Variants in MTFR1 observed in about 807,000 individuals in gnomAD.
MTFR1 encodes the protein mitochondrial fission regulator 1, also known as chondrocyte protein with a poly-proline region.
Under a neutral mutation model 38.8 loss-of-function variants are expected in MTFR1, and 28 were observed. That is an observed-to-expected ratio of 0.72 (90% CI 0.53 to 0.99). The LOEUF (loss-of-function observed/expected upper bound fraction) is 0.99, where lower values mean the gene tolerates loss of function less well. Among genes scored for constraint, MTFR1 ranks in the 50% least tolerant of loss-of-function variants. The pLI is 0.00. For missense variants in MTFR1, 358 were observed against 395.5 expected, an observed-to-expected ratio of 0.91 and a Z score of 0.81; for synonymous variants, 145 against 137.0, an observed-to-expected ratio of 1.06 and a Z score of -0.41.
chr8:65,737,659 C>T (rs1001327407), intron 3 of MTFR1, among the ~76,000 whole-genome samples: 1 of 152,162 alleles, frequency 6.6e-6, no homozygotes, highest in African/African-American at 2.4e-5. Flanking sequence ...GGTAGGATTA[C>T]AGGCACATGC....
chr8:65,734,280 G>A (rs969254439), intron 3 of MTFR1, among the ~76,000 whole-genome samples: 1 of 152,084 alleles, frequency 6.6e-6, no homozygotes, highest in Non-Finnish European at 1.5e-5. Context: ...ACCACATCCT[G>A]TTCATTCTAA....
At chr8:65,695,354 T>TG (rs947884699) in intron 4 of MTFR1, among the ~76,000 whole-genome samples, 36 of 152,134 alleles carry the variant, frequency 2.4e-4, no homozygotes, top group Middle Eastern at 3.4e-3. Context: ...ACAATTTTTT[T>TG]TTTTGTTTTG....
intron 3 of MTFR1, among the ~76,000 whole-genome samples, chr8:65,730,819 A>C (rs1055844874): frequency 6.6e-6 from 1 of 152,172 alleles, no homozygotes; most frequent in East Asian, 1.9e-4. Context: ...GCTACTTGGG[A>C]GGCTGAGACA....
At chr8:65,768,137 A>G (rs560723944) in intron 3 of MTFR1, among the ~76,000 whole-genome samples, 14 of 152,330 alleles carry the variant, frequency 9.2e-5, no homozygotes, top group Admixed American at 8.5e-4. Context: ...TTCTGTGTTG[A>G]TGACTGCCAT....
At chr8:65,697,330 A>G (rs945048766) in intron 4 of MTFR1, among the ~76,000 whole-genome samples, 12 of 152,146 alleles carry the variant, frequency 7.9e-5, no homozygotes, top group Admixed American at 2.0e-4. Flanking sequence ...GCACCTAAGA[A>G]TGGCCACGGG....
chr8:65,739,458 A>G (rs1411231076), intron 3 of MTFR1: 2 of 1,508,516 alleles, frequency 1.3e-6, no homozygotes, highest in South Asian at 1.4e-5. Context: ...AGGTTCTTGT[A>G]TAAATGTAAA....
chr8:65,681,267 G>GC (rs1804879293), intron 2 of MTFR1, among the ~76,000 whole-genome samples: 1 of 151,944 alleles, frequency 6.6e-6, no homozygotes, highest in Admixed American at 6.6e-5. Context: ...TTACAGGTGT[G>GC]CACCACCATG....
intron 2 of MTFR1, among the ~76,000 whole-genome samples, chr8:65,670,776 C>T (rs1804547665): frequency 6.6e-6 from 1 of 151,090 alleles, no homozygotes; most frequent in Non-Finnish European, 1.5e-5. Flanking sequence ...GCAATCTCGG[C>T]TCACTGCAAC....
At chr8:65,703,426 T>G (rs1198899511) in intron 4 of MTFR1, among the ~76,000 whole-genome samples, 4 of 117,640 alleles carry the variant, frequency 3.4e-5, no homozygotes, top group East Asian at 2.4e-4. Flanking sequence ...CTGGTTTTTT[T>G]TTTTTTTTTT....
intron 2 of MTFR1, among the ~76,000 whole-genome samples, chr8:65,672,679 T>G (rs1459851263): frequency 6.6e-6 from 1 of 152,128 alleles, no homozygotes; most frequent in Non-Finnish European, 1.5e-5. Flanking sequence ...CCAGGCTAAT[T>G]TTTTAATATT....
intron 7 of MTFR1, chr8:65,708,240 T>C: frequency 1.1e-6 from 1 of 871,598 alleles, no homozygotes; most frequent in Non-Finnish European, 1.7e-6. Context: ...TAGTTGTTCA[T>C]TTGGAAATTT....
intron 3 of MTFR1, among the ~76,000 whole-genome samples, chr8:65,757,864 G>A (rs756030997): frequency 3.9e-5 from 6 of 152,098 alleles, no homozygotes; most frequent in Non-Finnish European, 7.4e-5. Context: ...TGATCCGACC[G>A]CCTTGGCCTC....
chr8:65,760,113 G>A (rs557329879), intron 3 of MTFR1, among the ~76,000 whole-genome samples: 59 of 152,160 alleles, frequency 3.9e-4, no homozygotes, highest in Admixed American at 9.2e-4. Context: ...GGTGGTGGTC[G>A]CCTGTAATAC....
At chr8:65,697,205 G>A (rs1318408358) in intron 4 of MTFR1, among the ~76,000 whole-genome samples, 3 of 151,720 alleles carry the variant, frequency 2.0e-5, no homozygotes, top group African/African-American at 4.8e-5. Flanking sequence ...GGCTAGTCTC[G>A]AACTCCTGAC....
downstream of MTFR1, chr8:65,714,914 A>T (rs577515493): frequency 6.6e-6 from 1 of 152,222 alleles, no homozygotes; most frequent in Non-Finnish European, 1.5e-5. Flanking sequence ...ACTTTTATAC[A>T]GAGTATCATT....
intron 3 of MTFR1, among the ~76,000 whole-genome samples, chr8:65,731,888 A>G (rs1390081128): frequency 1.3e-5 from 2 of 152,144 alleles, no homozygotes; most frequent in Non-Finnish European, 2.9e-5. Flanking sequence ...CTCCTTAGTT[A>G]TGTACTGTCC....
intron 2 of MTFR1, among the ~76,000 whole-genome samples, chr8:65,674,830 A>G (rs1186508094): frequency 6.6e-6 from 1 of 152,124 alleles, no homozygotes; most frequent in Non-Finnish European, 1.5e-5. Context: ...AGAACAATGC[A>G]CTTTACAGAT....
intron 3 of MTFR1, among the ~76,000 whole-genome samples, chr8:65,741,036 A>AC (rs1807405528): frequency 2.0e-5 from 3 of 152,190 alleles, no homozygotes; most frequent in Admixed American, 6.5e-5. Flanking sequence ...AATAGAAATT[A>AC]AATTTGGAAA....
chr8:65,646,727 T>G (rs2129046436), intron 1 of MTFR1, among the ~76,000 whole-genome samples: 1 of 152,334 alleles, frequency 6.6e-6, no homozygotes, highest in East Asian at 1.9e-4. Context: ...TTCTTTAATA[T>G]GTAACCAGTT....
Sources: allele counts gnomAD v4.1 joint callset (sites outside exome capture counted in the v4.1 genomes callset), GRCh38; gene constraint gnomAD v4.1.1; transcripts MANE v1.5; gene names NCBI Gene and HGNC (gene_info 2026-07-23, HGNC 2026-07-21).